The following ARHGAP18 variants were observed in gnomAD, a reference collection of about 807,000 sequenced individuals.
ARHGAP18 encodes the protein rho GTPase-activating protein 18.
A neutral mutation model predicts 86.2 loss-of-function variants in ARHGAP18; 67 were observed. The observed-to-expected ratio is 0.78, with a 90% CI of 0.64 to 0.95. The LOEUF (loss-of-function observed/expected upper bound fraction) is 0.95. Among genes scored for constraint, ARHGAP18 ranks in the 40% least tolerant of loss-of-function variants. The probability of loss-of-function intolerance (pLI) is 0.00; values close to 1 mark genes in which losing one functional copy is unlikely to be tolerated. For missense variants in ARHGAP18, 691 were observed against 780.4 expected (o/e 0.89, Z 1.37); for synonymous variants, 283 against 280.4 (o/e 1.01, Z -0.09).
At chr6:129,594,607 C>T (rs1279976166) in intron 12 of ARHGAP18, among the ~76,000 whole-genome samples, 1 of 152,158 alleles carries the variant, frequency 6.6e-6, no homozygotes, top group Non-Finnish European at 1.5e-5. Context: ...CTGTAGCCGA[C>T]TCACACAGGC....
intron 1 of ARHGAP18, among the ~76,000 whole-genome samples, chr6:129,662,221 A>G (rs1773967605): frequency 6.6e-6 from 1 of 152,242 alleles, no homozygotes. Flanking sequence ...ATGTGGGAGG[A>G]TAGCGCACAT....
intron 7 of ARHGAP18, among the ~76,000 whole-genome samples, chr6:129,615,816 C>A (rs1019734607): frequency 3.3e-5 from 5 of 152,108 alleles, no homozygotes; most frequent in Non-Finnish European, 5.9e-5. Context: ...TGGAAATAGG[C>A]ACTGGTAAAT....
At chr6:129,605,695 T>TAGTAACATAAC (rs1296674485) in intron 10 of ARHGAP18, among the ~76,000 whole-genome samples, 182 bp downstream of exon 10, 2 of 152,276 alleles carry the variant, frequency 1.3e-5, no homozygotes, top group Admixed American at 1.3e-4. Context: ...TTAATAACAT[T>TAGTAACATAAC]AGTAACATAA....
At chr6:129,586,266 T>C (rs1788392936) in intron 12 of ARHGAP18, among the ~76,000 whole-genome samples, 1 of 152,094 alleles carries the variant, frequency 6.6e-6, no homozygotes, top group Admixed American at 6.5e-5. Flanking sequence ...AGACTGAAAA[T>C]TGTAATAGCA....
Position 129,584,176 on chromosome 6 carries a change from C to T in ARHGAP18, c.1714-64G>A. The T allele has an allele frequency of 6.9e-6, 11 of 1,595,040 alleles. No homozygotes were observed. The South Asian group carries it at 1.2e-4, about 18-fold the overall frequency. Reference sequence around the variant, plus strand: ...AGCTGGAACGTGTAACTCTACAATGCATTATATAGTAAGTGTGCTTAACTA... The same window carrying T: ...AGCTGGAACGTGTAACTCTACAATGTATTATATAGTAAGTGTGCTTAACTA... On this transcript the variant is annotated intron_variant, in intron 12 of 14. Coordinates refer to ENST00000368149, the MANE Select transcript of ARHGAP18 (RefSeq NM_033515.3).
At chr6:129,625,970 T>G (rs1385239793) in intron 5 of ARHGAP18, among the ~76,000 whole-genome samples, 1 of 110,804 alleles carries the variant, frequency 9.0e-6, no homozygotes, top group Non-Finnish European at 1.7e-5. Context: ...TATTTATATA[T>G]TATATATATT....
chr6:129,633,992 C>T (rs375133558), intron 4 of ARHGAP18, 50 bp downstream of exon 4: 1 of 1,468,828 alleles, frequency 6.8e-7, no homozygotes, highest in East Asian at 2.3e-5. Context: ...AACTGTTATA[C>T]TAATTAAAGG....
intron 12 of ARHGAP18, among the ~76,000 whole-genome samples, chr6:129,593,149 CTT>C (rs1788551183): frequency 6.6e-6 from 1 of 152,042 alleles, no homozygotes; most frequent in African/African-American, 2.4e-5. Context: ...TCACGGTTTG[CTT>C]TTTGTTTTGT....
chr6:129,620,960 C>A (rs1789215617), intron 5 of ARHGAP18, among the ~76,000 whole-genome samples: 2 of 152,288 alleles, frequency 1.3e-5, no homozygotes, highest in African/African-American at 4.8e-5. Flanking sequence ...ATCCAGCTGA[C>A]TTCAACTAAA....
At chr6:129,690,173 G>T (rs573738542) in intron 1 of ARHGAP18, among the ~76,000 whole-genome samples, 6 of 151,946 alleles carry the variant, frequency 3.9e-5, no homozygotes, top group Admixed American at 2.0e-4. Context: ...GATTTGTATG[G>T]AAACTGTAAG....
intron 1 of ARHGAP18, among the ~76,000 whole-genome samples, chr6:129,662,946 GT>G (rs1389239455): frequency 6.6e-6 from 1 of 152,138 alleles, no homozygotes; most frequent in African/African-American, 2.4e-5. Flanking sequence ...ATGCTGCCCA[GT>G]TGCTTCACTG....
intron 12 of ARHGAP18, among the ~76,000 whole-genome samples, chr6:129,587,385 C>T (rs928431574): frequency 1.3e-5 from 2 of 152,190 alleles, no homozygotes; most frequent in African/African-American, 4.8e-5. Context: ...CTAACATTAG[C>T]ATGTATCTAC....
At chr6:129,680,738 G>A (rs970172983) in intron 1 of ARHGAP18, among the ~76,000 whole-genome samples, 1 of 152,210 alleles carries the variant, frequency 6.6e-6, no homozygotes, top group East Asian at 1.9e-4. Flanking sequence ...ATTCATCCAG[G>A]GGACATGCTC....
chr6:129,656,279 C>T (rs1292634173), intron 1 of ARHGAP18, among the ~76,000 whole-genome samples: 1 of 152,210 alleles, frequency 6.6e-6, no homozygotes, highest in African/African-American at 2.4e-5. Context: ...GGACAAACAA[C>T]AGGTGTTGCA....
At chr6:129,688,685 G>A (rs1018121348) in intron 1 of ARHGAP18, among the ~76,000 whole-genome samples, 3 of 152,106 alleles carry the variant, frequency 2.0e-5, no homozygotes, top group Admixed American at 1.3e-4. Flanking sequence ...CCAGCTACTT[G>A]GGAGGCTTAG....
At chr6:129,660,588 GTGCTCCACGGACCAGCGGCACCAGGCA>G (rs1304057084) in intron 1 of ARHGAP18, among the ~76,000 whole-genome samples, 1 of 152,172 alleles carries the variant, frequency 6.6e-6, no homozygotes, top group African/African-American at 2.4e-5. Context: ...CTACCTAAAT[GTGCTCCACGGACCAGCGGCACCAGGCA>G]TCAAGCTTGC....
At chr6:129,589,089 A>AAGGTCTCTGACATGCCTTGT (rs2114434555) in intron 12 of ARHGAP18, among the ~76,000 whole-genome samples, 1 of 152,210 alleles carries the variant, frequency 6.6e-6, no homozygotes, top group Non-Finnish European at 1.5e-5. Flanking sequence ...GGCTGCCTTG[A>AAGGTCTCTGACATGCCTTGT]AGGTCTCTGA....
Position 129,683,821 on chromosome 6 carries a change from ATGATGTGG to A in ARHGAP18, c.113+26195_113+26202del, listed in dbSNP as rs376281298. Among the ~76,000 whole-genome samples the A allele has an allele frequency of 3.5e-3, 535 of 152,350 alleles. 1 individual carries two copies. The highest frequency in any genetic ancestry group is 0.012 in the African/African-American group (515 of 41,584). On this transcript the variant is annotated intron_variant, in intron 1 of 14. Transcript: ENST00000368149. ...TGAGAACACCATCAAGAATCATAAA[ATGATGTGG>A]GCATACCTGGAAAGTAACGTGGAGG... is the stretch of plus-strand genomic sequence containing the variant.
intron 5 of ARHGAP18, among the ~76,000 whole-genome samples, chr6:129,622,604 G>GT (rs1789252600): frequency 6.6e-6 from 1 of 152,048 alleles, no homozygotes; most frequent in Non-Finnish European, 1.5e-5. Flanking sequence ...GTTTCCTGTC[G>GT]TTTTTTGTTT....
Sources: allele counts gnomAD v4.1 joint callset (sites outside exome capture counted in the v4.1 genomes callset), GRCh38; gene constraint gnomAD v4.1.1; transcripts MANE v1.5; gene names NCBI Gene and HGNC (gene_info 2026-07-23, HGNC 2026-07-21).